The following ATP6V0A2 variants were observed in gnomAD, a reference collection of about 807,000 sequenced individuals.
The protein encoded by ATP6V0A2 is V-type proton ATPase 116 kDa subunit a 2.
A neutral mutation model predicts 104.4 loss-of-function variants in ATP6V0A2; 58 were observed. The observed-to-expected ratio is 0.56, with a 90% CI of 0.45 to 0.69. ATP6V0A2 has a LOEUF of 0.69. ATP6V0A2 is among the 30% of genes least tolerant of loss of function. ATP6V0A2 has a pLI of 0.00. For synonymous variants in ATP6V0A2, 376 were observed against 397.9 expected (o/e 0.95, Z 0.65); for missense variants, 938 against 1,062.9 (o/e 0.88, Z 1.63).
chr12:123,719,082 A>G (rs533237759), intron 2 of ATP6V0A2, among the ~76,000 whole-genome samples: 60 of 152,334 alleles, frequency 3.9e-4, no homozygotes, highest in African/African-American at 1.4e-3. Flanking sequence ...CTTGTAGTTT[A>G]TTATAACTTA....
At chr12:123,752,614 C>T (rs1049093663) in intron 17 of ATP6V0A2, among the ~76,000 whole-genome samples, 8 of 152,188 alleles carry the variant, frequency 5.3e-5, no homozygotes, top group African/African-American at 1.4e-4. Context: ...TGTCCTTTCA[C>T]TTCGCCAGTG....
intron 6 of ATP6V0A2, among the ~76,000 whole-genome samples, chr12:123,728,959 G>T (rs556575565): frequency 4.9e-3 from 745 of 150,960 alleles, no homozygotes; most frequent in African/African-American, 0.017. Flanking sequence ...CTGATCACTT[G>T]ATTAGTTCCA....
At position 123,724,671 on chromosome 12, in the gene ATP6V0A2, C is replaced by A. The variant is rs563333869; in HGVS notation, c.312C>A (p.Leu104=). ...VLEMQEQLQK[L]EVELREVTKN... ...TGTTTTAGGAGCAGTTGCAGAAGCT[C>A]GAGGTTGAACTGAGAGAAGTCACTA... Residue 104 remains leucine, a synonymous_variant, in exon 4 of 20, where the codon CTC becomes CTA. Coordinates refer to ENST00000330342, the MANE Select transcript of ATP6V0A2 (RefSeq NM_012463.4). 3 of 1,613,772 alleles carry A rather than the reference C, an allele frequency of 1.9e-6. No homozygotes were observed. The South Asian group carries it at 3.3e-5, about 18-fold the overall frequency.
intron 18 of ATP6V0A2, 199 bp from the exon 19 acceptor site, chr12:123,756,616 G>A (rs560435517): frequency 1.7e-6 from 1 of 593,124 alleles, no homozygotes; most frequent in African/African-American, 1.9e-5. Flanking sequence ...GGAGCACCAG[G>A]TCTTCCTTAG....
At chr12:123,738,938 A>G (rs965734692) in intron 9 of ATP6V0A2, 2 of 152,264 alleles carry the variant, frequency 1.3e-5, no homozygotes, top group Admixed American at 6.5e-5. Flanking sequence ...ACAGCAACAC[A>G]TAAATAGTAT....
Position 123,733,950 on chromosome 12 carries a change from T to C in ATP6V0A2, c.673T>C (p.Phe225Leu). 6.2e-7 allele frequency: 1 copy of C among 1,613,392 alleles called. No individual in the cohort carries two copies. Among genetic ancestry groups the C allele is most frequent in the Non-Finnish European group, 8.5e-7 (1 of 1,179,326 alleles). Residue 225 changes from phenylalanine to leucine, a missense_variant, in exon 7 of 20, where the codon TTT becomes CTT. Coordinates refer to ENST00000330342, the MANE Select transcript of ATP6V0A2 (RefSeq NM_012463.4). ...GGGGGAAGTCATAAAATGGTATGTC[T>C]TTTTAATATCCTTTTGGGGAGAGCA... ...ETGEVIKWYV[F>L]LISFWGEQIG...
At chr12:123,734,661 G>A (rs1390999252) in intron 7 of ATP6V0A2, among the ~76,000 whole-genome samples, 2 of 152,228 alleles carry the variant, frequency 1.3e-5, no homozygotes, top group African/African-American at 4.8e-5. Context: ...GGGAACATAA[G>A]CAAAAGCCAA....
intron 17 of ATP6V0A2, 154 bp from the exon 18 acceptor site, chr12:123,754,266 G>A (rs1034864485): frequency 3.0e-6 from 2 of 677,546 alleles, no homozygotes; most frequent in Non-Finnish European, 5.4e-6. Context: ...AACAGAGTGC[G>A]TCTGGGGTTT....
In ATP6V0A2 at chr12:123,761,439, G is replaced by A. The variant is rs1301079229; in HGVS notation, c.*3407G>A. On this transcript the variant is annotated 3_prime_UTR_variant, in exon 20 of 20. Coordinates refer to ENST00000330342, the MANE Select transcript of ATP6V0A2 (RefSeq NM_012463.4). ...TATCCAGGAAGGTTATTATGAAGCTGTCAAATCAAGATGATGGGAATAAGG... is the reference window on the plus strand; with the variant it reads ...TATCCAGGAAGGTTATTATGAAGCTATCAAATCAAGATGATGGGAATAAGG... The A allele has an allele frequency of 6.6e-6, 1 of 152,226 alleles. No homozygotes were observed. The highest frequency in any genetic ancestry group is 1.9e-4 in the East Asian group (1 of 5,196). The allele number at this position is 152,226 out of a possible 1,614,324, so 9.4% of individuals were successfully genotyped here.
intron 5 of ATP6V0A2, 50 bp from the exon 6 acceptor site, chr12:123,727,733 T>C: frequency 6.2e-7 from 1 of 1,611,042 alleles, no homozygotes. Context: ...TGTAGTTTGA[T>C]AACATTTATT....
chr12:123,739,770 A>C (rs1026785522), intron 9 of ATP6V0A2, among the ~76,000 whole-genome samples: 2 of 152,122 alleles, frequency 1.3e-5, no homozygotes, highest in African/African-American at 4.8e-5. Flanking sequence ...TGGAAATAAA[A>C]TTCTGGGCTC....
intron 2 of ATP6V0A2, among the ~76,000 whole-genome samples, chr12:123,718,973 G>T (rs542711063): frequency 2.6e-5 from 4 of 151,884 alleles, no homozygotes; most frequent in African/African-American, 9.7e-5. Context: ...ACATCTTTTC[G>T]TGTCAGTAGA....
Position 123,743,848 on chromosome 12 carries a change from A to G in ATP6V0A2, c.1102A>G (p.Thr368Ala). The change falls in exon 10 of 20, where the codon ACT becomes GCT. Residue 368 changes from threonine to alanine, a missense_variant. Physicochemically the swap from Thr to Ala is moderately conservative, Grantham distance 58. Transcript: ENST00000330342. Reference sequence around the variant, plus strand: ...AATCCCCACAAAAGAAACACCCCCCACTCGGATCCGCACCAACAAATTCAC... The same window carrying G: ...AATCCCCACAAAAGAAACACCCCCCGCTCGGATCCGCACCAACAAATTCAC... ...NIIPTKETPP[T>A]RIRTNKFTEG... 2.5e-6 allele frequency: 4 copies of G among 1,613,936 alleles called. No individual in the cohort carries two copies. The highest frequency in any genetic ancestry group is 1.1e-5 in the South Asian group (1 of 91,064).
At chr12:123,714,038 C>T (rs764008682) in intron 1 of ATP6V0A2, among the ~76,000 whole-genome samples, 35 of 152,220 alleles carry the variant, frequency 2.3e-4, no homozygotes, top group South Asian at 2.1e-4. Flanking sequence ...CTGCGCTGAG[C>T]TGTGAATAGC....
chr12:123,754,495 G>T lies in ATP6V0A2; in HGVS notation c.2251G>T (p.Ala751Ser). ...CTGTCTGGGATGCATCTCCAACACC[G>T]CCTCCTACCTGAGGCTCTGGGCGCT... Reference protein sequence around the residue: ...EYCLGCISNTASYLRLWALSL... With the variant: ...EYCLGCISNTSSYLRLWALSL... The change falls in exon 18 of 20, where the codon GCC (alanine) becomes TCC (serine). Residue 751 changes from alanine (A) to serine (S), a missense_variant. Physicochemically the swap from Ala to Ser is moderately conservative, Grantham distance 99. Transcript: ENST00000330342. The T allele has an allele frequency of 1.2e-6, 2 of 1,614,090 alleles. No homozygotes were observed. Among genetic ancestry groups the T allele is most frequent in the Non-Finnish European group, 1.7e-6 (2 of 1,180,012 alleles).
rs759323571 is a variant in ATP6V0A2 at position 123,712,723 on chromosome 12, T to C, written c.117+41T>C. The C allele has an allele frequency of 3.3e-6, 5 of 1,536,942 alleles. No homozygotes were observed. The Admixed American group carries it at 8.5e-5, about 26-fold the overall frequency. On this transcript the variant is annotated intron_variant, in intron 1 of 19. Coordinates refer to ENST00000330342, the MANE Select transcript of ATP6V0A2 (RefSeq NM_012463.4). ...GAGACGCGGGCCGCACCTGCTCTCC[T>C]GGCGCCCCCAATCCCGCGCATCGCT...
At chr12:123,721,217 G>GTT in intron 2 of ATP6V0A2, 2 of 170,294 alleles carry the variant, frequency 1.2e-5, no homozygotes, top group East Asian at 2.8e-4. Context: ...GTTTTGTTTT[G>GTT]TTTTAATGAC....
intron 17 of ATP6V0A2, 138 bp downstream of exon 17, chr12:123,752,540 A>G: frequency 9.5e-7 from 1 of 1,050,320 alleles, no homozygotes; most frequent in Non-Finnish European, 1.4e-6. Flanking sequence ...ACTATGAGAA[A>G]CCAGCGCTTT....
rs750788949 is a variant in ATP6V0A2, at chr12:123,744,225, C to T, written c.1214C>T (p.Pro405Leu). ...NPALFTIITF[P>L]FLFAVMFGDF... ...GCTCTCTTTACCATCATCACCTTCC[C>T]GTTTTTATTTGCTGTGATGTTTGGA... Residue 405 changes from proline to leucine, a missense_variant, in exon 11 of 20, where the codon CCG becomes CTG. Physicochemically the swap from Pro to Leu is moderately conservative, Grantham distance 98. Coordinates refer to ENST00000330342, the MANE Select transcript of ATP6V0A2 (RefSeq NM_012463.4). The surrounding 1 kb of genome is among the most constrained non-coding windows in gnomAD (Gnocchi z 5.4). 5 of 1,613,994 alleles carry T rather than the reference C, an allele frequency of 3.1e-6. No homozygotes were observed. The highest frequency in any genetic ancestry group is 1.3e-5 in the African/African-American group (1 of 74,888).
Sources: allele counts gnomAD v4.1 joint callset (sites outside exome capture counted in the v4.1 genomes callset), GRCh38; gene constraint gnomAD v4.1.1; non-coding constraint Gnocchi (gnomAD v3.1); transcripts MANE v1.5; gene names NCBI Gene and HGNC (gene_info 2026-07-23, HGNC 2026-07-21).